The following AMPH variants were observed in gnomAD, a reference collection of about 807,000 sequenced individuals.
AMPH encodes amphiphysin.
Under a neutral mutation model 99.1 loss-of-function variants are expected in AMPH, and 49 were observed. The observed-to-expected ratio is 0.49, with a 90% CI of 0.39 to 0.63. AMPH has a LOEUF of 0.63. Ranked by LOEUF, AMPH falls within the 20% of genes least tolerant of loss-of-function variation. The pLI, the probability that AMPH is intolerant of heterozygous loss-of-function variation, is 0.00. For missense variants in AMPH, 759 were observed against 863.4 expected (o/e 0.88, Z 1.52); for synonymous variants, 314 against 317.3 (o/e 0.99, Z 0.11).
At chr7:38,483,281 C>T (rs1266950020) in intron 5 of AMPH, among the ~76,000 whole-genome samples, 5 of 151,990 alleles carry the variant, frequency 3.3e-5, no homozygotes, top group African/African-American at 4.8e-5. Flanking sequence ...TGCCATGGCT[C>T]CTCTCCCTAG....
At chr7:38,444,532 A>T (rs1276465357) in intron 11 of AMPH, among the ~76,000 whole-genome samples, 1 of 152,094 alleles carries the variant, frequency 6.6e-6, no homozygotes, top group Non-Finnish European at 1.5e-5. Flanking sequence ...CAAGGTGCAT[A>T]TTGGAGTACT....
intron 5 of AMPH, among the ~76,000 whole-genome samples, chr7:38,489,063 C>A (rs188558306): frequency 7.2e-5 from 11 of 152,064 alleles, no homozygotes; most frequent in Admixed American, 3.9e-4. Context: ...AAGGATAAAG[C>A]TAGAGGCATT....
At position 38,491,159 on chromosome 7, in the gene AMPH, A is replaced by C. The variant is rs1259282750; in HGVS notation, c.301-14T>G. 4 of 1,558,134 alleles carry C rather than the reference A, an allele frequency of 2.6e-6. No homozygotes were observed. Among genetic ancestry groups the C allele is most frequent in the East Asian group, 4.5e-5 (2 of 44,520 alleles). ...CACATCACATTTCTAAAAGAAATAA[A>C]GAGACCACTGCTGAATTATTTTAAT... On this transcript the variant is annotated splice_polypyrimidine_tract_variant and intron_variant, in intron 4 of 20. Coordinates refer to ENST00000356264, the MANE Select transcript of AMPH (RefSeq NM_001635.4).
At chr7:38,494,249 G>A (rs66520224) in intron 4 of AMPH, among the ~76,000 whole-genome samples, 184 bp downstream of exon 4, 12,854 of 152,248 alleles carry the variant, frequency 0.084, 571 homozygotes, top group South Asian at 0.12. Flanking sequence ...ATGAGCCACC[G>A]CACCTGGCCC....
At chr7:38,444,747 C>T (rs887081713) in intron 11 of AMPH, among the ~76,000 whole-genome samples, 4 of 150,470 alleles carry the variant, frequency 2.7e-5, no homozygotes, top group African/African-American at 9.7e-5. Flanking sequence ...AGTTGTGGTA[C>T]AGCAGCCCAG....
intron 17 of AMPH, among the ~76,000 whole-genome samples, chr7:38,407,904 CA>C (rs1260444433): frequency 6.6e-6 from 1 of 152,144 alleles, no homozygotes; most frequent in African/African-American, 2.4e-5. Flanking sequence ...TTCTGCTTGA[CA>C]GTTTTGATAT....
chr7:38,545,840 T>C (rs942713430), intron 1 of AMPH, among the ~76,000 whole-genome samples: 7 of 152,204 alleles, frequency 4.6e-5, no homozygotes, highest in African/African-American at 1.7e-4. Context: ...AGGATGTGCG[T>C]GATCACAAAG....
At chr7:38,415,923 A>T (rs1785369530) in intron 17 of AMPH, among the ~76,000 whole-genome samples, 1 of 151,664 alleles carries the variant, frequency 6.6e-6, no homozygotes, top group African/African-American at 2.4e-5. Context: ...AAAATTTTTG[A>T]TTCTCTACAG....
At chr7:38,414,750 T>C (rs1704761757) in intron 17 of AMPH, among the ~76,000 whole-genome samples, 1 of 152,102 alleles carries the variant, frequency 6.6e-6, no homozygotes, top group African/African-American at 2.4e-5. Flanking sequence ...ACTGCACCTC[T>C]GCCTTCTGGG....
At chr7:38,464,303 T>C (rs1247377818) in intron 9 of AMPH, among the ~76,000 whole-genome samples, 1 of 152,186 alleles carries the variant, frequency 6.6e-6, no homozygotes, top group Non-Finnish European at 1.5e-5. Context: ...CCCATTCCAA[T>C]TCTTCCTTCG....
At chr7:38,606,587 T>C (rs1326703771) in intron 1 of AMPH, among the ~76,000 whole-genome samples, 1 of 98,542 alleles carries the variant, frequency 1.0e-5, no homozygotes, top group Non-Finnish European at 2.3e-5. Context: ...TTTTTTTTTT[T>C]TGTGAGACAG....
At chr7:38,507,043 G>A (rs940061739) in intron 2 of AMPH, among the ~76,000 whole-genome samples, 9 of 152,152 alleles carry the variant, frequency 5.9e-5, no homozygotes, top group Non-Finnish European at 8.8e-5. Flanking sequence ...AAAGTAGCAG[G>A]GAAGGGCATT....
chr7:38,555,323 T>C (rs1443892287), intron 1 of AMPH, among the ~76,000 whole-genome samples: 2 of 151,968 alleles, frequency 1.3e-5, no homozygotes, highest in African/African-American at 4.8e-5. Flanking sequence ...GAGGATTGCT[T>C]GAGCCCAGGA....
chr7:38,577,418 C>T (rs1237141334), intron 1 of AMPH, among the ~76,000 whole-genome samples: 1 of 152,202 alleles, frequency 6.6e-6, no homozygotes, highest in East Asian at 1.9e-4. Context: ...AATGCCACCC[C>T]ACTCTGAACT....
chr7:38,447,445 T>C (rs1323084060), intron 11 of AMPH, among the ~76,000 whole-genome samples: 1 of 152,168 alleles, frequency 6.6e-6, no homozygotes, highest in African/African-American at 2.4e-5. Flanking sequence ...TAATTTACTA[T>C]TTTTTTACAT....
intron 1 of AMPH, among the ~76,000 whole-genome samples, chr7:38,550,279 T>C (rs1240501525): frequency 3.3e-5 from 5 of 152,222 alleles, no homozygotes; most frequent in African/African-American, 9.6e-5. Flanking sequence ...TCAGGCCCTA[T>C]TGCACAGTAC....
At chr7:38,465,338 T>C (rs1787610381) in intron 9 of AMPH, 129 bp downstream of exon 9, 3 of 699,366 alleles carry the variant, frequency 4.3e-6, no homozygotes, top group Non-Finnish European at 4.5e-6. Flanking sequence ...AAAATTAGTG[T>C]CAGCTTCTAG....
At chr7:38,545,402 T>C (rs182324925) in intron 1 of AMPH, among the ~76,000 whole-genome samples, 232 of 152,256 alleles carry the variant, frequency 1.5e-3, no homozygotes, top group Non-Finnish European at 2.8e-3. Context: ...TTAAAGCTAT[T>C]TGAAAGTTCA....
chr7:38,487,197 A>C (rs1404036819), intron 5 of AMPH, among the ~76,000 whole-genome samples: 1 of 152,180 alleles, frequency 6.6e-6, no homozygotes, highest in African/African-American at 2.4e-5. Flanking sequence ...TACTAAACAA[A>C]TAAGAATAGT....
Sources: allele counts gnomAD v4.1 joint callset (sites outside exome capture counted in the v4.1 genomes callset), GRCh38; gene constraint gnomAD v4.1.1; transcripts MANE v1.5; gene names NCBI Gene and HGNC (gene_info 2026-07-23, HGNC 2026-07-21).